ISM1: variants seen among roughly 807,000 people sequenced by gnomAD.
ISM1 encodes isthmin-1.
In ISM1, 25 loss-of-function variants were observed where a neutral mutation model predicts 46.3. The ratio of observed to expected loss-of-function variants is 0.54; its 90% confidence interval spans 0.39 to 0.75. ISM1 has a LOEUF of 0.75. ISM1 is among the 30% of genes least tolerant of loss of function. The pLI is 0.00. For missense variants in ISM1, 536 were observed against 625.4 expected, an observed-to-expected ratio of 0.86 and a Z score of 1.52; for synonymous variants, 255 against 256.7, an observed-to-expected ratio of 0.99 and a Z score of 0.06.
chr20:13,264,724 G>C (rs977692988), intron 1 of ISM1, among the ~76,000 whole-genome samples: 1 of 152,202 alleles, frequency 6.6e-6, no homozygotes, highest in African/African-American at 2.4e-5. Flanking sequence ...GACATTCTTG[G>C]TGTTGGACCA....
At chr20:13,316,139 A>G in the ISM1 span, among the ~76,000 whole-genome samples, 1 of 151,966 alleles carries the variant, frequency 6.6e-6, no homozygotes, top group African/African-American at 2.4e-5. Flanking sequence ...GGACATTAAA[A>G]GGATAATAAA....
chr20:13,249,498 C>T (rs545348095), intron 1 of ISM1, among the ~76,000 whole-genome samples: 5 of 152,306 alleles, frequency 3.3e-5, no homozygotes, highest in African/African-American at 7.2e-5. Flanking sequence ...AAAGCCCAAT[C>T]GAGGATGTTT....
chr20:13,276,152 T>A (rs2123270348), intron 2 of ISM1, among the ~76,000 whole-genome samples: 1 of 152,324 alleles, frequency 6.6e-6, no homozygotes, highest in East Asian at 1.9e-4. Context: ...CCTTCAATGC[T>A]CTGTGCTCCT....
At chr20:13,308,514 T>G in the ISM1 span, among the ~76,000 whole-genome samples, 1 of 152,150 alleles carries the variant, frequency 6.6e-6, no homozygotes, top group Admixed American at 6.5e-5. Context: ...GCTGGATGCA[T>G]CAGTTTCACT....
chr20:13,275,695 C>T (rs2040171375), intron 2 of ISM1, among the ~76,000 whole-genome samples: 1 of 152,200 alleles, frequency 6.6e-6, no homozygotes, highest in Non-Finnish European at 1.5e-5. Flanking sequence ...TCAATGAGAT[C>T]ATCCATATGA....
At chr20:13,243,860 T>G (rs2039760873) in intron 1 of ISM1, among the ~76,000 whole-genome samples, 1 of 152,206 alleles carries the variant, frequency 6.6e-6, no homozygotes, top group Non-Finnish European at 1.5e-5. Context: ...ATTTCTGCAG[T>G]TAGAATAGCA....
At chr20:13,301,651 C>T (rs917342639), downstream of ISM1, among the ~76,000 whole-genome samples, 6 of 152,078 alleles carry the variant, frequency 3.9e-5, no homozygotes, top group Non-Finnish European at 5.9e-5. Context: ...AGAATCAATG[C>T]GTCCGTGTAT....
chr20:13,305,460 A>G (rs890242341), downstream of ISM1, among the ~76,000 whole-genome samples: 2 of 152,154 alleles, frequency 1.3e-5, no homozygotes, highest in Non-Finnish European at 2.9e-5. Context: ...CTTCCCAGGA[A>G]GTGTTGTGGG....
rs757668087 is a variant in ISM1 at position 13,292,421 on chromosome 20, G to C, written c.835G>C (p.Ala279Pro). The change falls in exon 5 of 6, where the codon GCG becomes CCG. Residue 279 changes from alanine to proline, a missense_variant. Transcript: ENST00000262487. Reference protein sequence around the residue: ...RTAATEVSLLAGSEEFNATKL... With the variant: ...RTAATEVSLLPGSEEFNATKL... Reference sequence around the variant, plus strand: ...AGCTGCCACCGAAGTGAGTCTGCTTGCGGGAAGCGAGGAGTTTAATGCCAC... The same window carrying C: ...AGCTGCCACCGAAGTGAGTCTGCTTCCGGGAAGCGAGGAGTTTAATGCCAC... The C allele has an allele frequency of 1.9e-6, 3 of 1,606,956 alleles. No individual in the cohort carries two copies. Among genetic ancestry groups the C allele is most frequent in the South Asian group, 2.2e-5 (2 of 89,178 alleles).
intron 2 of ISM1, among the ~76,000 whole-genome samples, chr20:13,277,399 G>A (rs1312405068): frequency 7.2e-6 from 1 of 138,894 alleles, no homozygotes; most frequent in Non-Finnish European, 1.6e-5. Flanking sequence ...GCAGACGATT[G>A]TTGCAGCTCA....
rs2040215825 is a variant in ISM1, at chr20:13,279,615, C to A, written c.379-19C>A. ...GCTGTTGACTCCACACTGACCCCAG[C>A]CTGTTCTGAATTCTTCAGGTCACCA... is the stretch of plus-strand genomic sequence containing the variant. On this transcript the variant is annotated intron_variant, in intron 2 of 5. Coordinates refer to ENST00000262487, the MANE Select transcript of ISM1 (RefSeq NM_080826.2). 3 of 1,604,998 alleles carry A rather than the reference C, an allele frequency of 1.9e-6. No homozygotes were observed. The highest frequency in any genetic ancestry group is 2.6e-6 in the Non-Finnish European group (3 of 1,174,030).
At chr20:13,291,472 C>T (rs1451332499) in intron 4 of ISM1, among the ~76,000 whole-genome samples, 1 of 152,158 alleles carries the variant, frequency 6.6e-6, no homozygotes, top group Non-Finnish European at 1.5e-5. Flanking sequence ...TCAGAGAGAG[C>T]CCCTTAAAGG....
intron 1 of ISM1, among the ~76,000 whole-genome samples, chr20:13,235,462 G>C (rs2039636911): frequency 6.6e-6 from 1 of 152,144 alleles, no homozygotes; most frequent in African/African-American, 2.4e-5. Context: ...CAGTAAAATG[G>C]GATAAGAATA....
chr20:13,291,089 G>C (rs1600561171), intron 4 of ISM1, among the ~76,000 whole-genome samples: 1 of 152,222 alleles, frequency 6.6e-6, no homozygotes, highest in Non-Finnish European at 1.5e-5. Flanking sequence ...CCAGACTCAA[G>C]GTGGTAGATT....
chr20:13,226,789 T>A (rs562940472), intron 1 of ISM1, among the ~76,000 whole-genome samples: 1 of 152,316 alleles, frequency 6.6e-6, no homozygotes, highest in East Asian at 1.9e-4. Context: ...CAAGACCTAT[T>A]GATGAGTTTG....
chr20:13,229,694 G>A (rs2039567203), intron 1 of ISM1, among the ~76,000 whole-genome samples: 1 of 152,188 alleles, frequency 6.6e-6, no homozygotes. Flanking sequence ...TAGTAAGGCT[G>A]ACATAGTCTC....
chr20:13,311,762 T>C, the ISM1 span, among the ~76,000 whole-genome samples: 15 of 152,286 alleles, frequency 9.8e-5, no homozygotes, highest in African/African-American at 2.6e-4. Context: ...GAGAGTAGAA[T>C]GGTAGTAACC....
intron 1 of ISM1, among the ~76,000 whole-genome samples, chr20:13,268,887 C>A (rs2040078386): frequency 6.6e-6 from 1 of 152,152 alleles, no homozygotes; most frequent in Non-Finnish European, 1.5e-5. Context: ...GCACTCCAGC[C>A]TGGGCAACAG....
rs563382134 is a variant in ISM1, at chr20:13,291,568, C to G, written c.788-806C>G. ...GCCTCACTCCCTCCTCCTCTTATTGCTTTAGCTTGCACCGGATTCCTGATT... is the reference window on the plus strand; with the variant it reads ...GCCTCACTCCCTCCTCCTCTTATTGGTTTAGCTTGCACCGGATTCCTGATT... On this transcript the variant is annotated intron_variant, in intron 4 of 5. Coordinates refer to ENST00000262487, the MANE Select transcript of ISM1 (RefSeq NM_080826.2). 2.0e-5 allele frequency among the ~76,000 whole-genome samples: 3 copies of G among 152,312 alleles called. No individual in the cohort carries two copies. In the South Asian group the frequency reaches 6.2e-4, roughly 32 times the overall value.
Sources: allele counts gnomAD v4.1 joint callset (sites outside exome capture counted in the v4.1 genomes callset), GRCh38; gene constraint gnomAD v4.1.1; transcripts MANE v1.5; gene names NCBI Gene and HGNC (gene_info 2026-07-23, HGNC 2026-07-21).